The following FHIT variants were observed in gnomAD, a reference collection of about 807,000 sequenced individuals.
FHIT encodes the protein bis(5'-adenosyl)-triphosphatase.
Under a neutral mutation model 17.9 loss-of-function variants are expected in FHIT, and 19 were observed. The ratio of observed to expected loss-of-function variants is 1.06; its 90% CI spans 0.74 to 1.56. FHIT has a LOEUF of 1.56. Ranked by LOEUF, FHIT falls within the 40% of genes most tolerant of loss-of-function variation. The probability of loss-of-function intolerance (pLI) is 0.00; values close to 1 mark genes in which losing one functional copy is unlikely to be tolerated. For missense variants in FHIT, 248 were observed against 189.2 expected (o/e 1.31, Z -1.82); for synonymous variants, 81 against 69.7 (o/e 1.16, Z -0.81).
intron 7 of FHIT, among the ~76,000 whole-genome samples, chr3:60,006,835 A>G (rs1439099052): frequency 6.6e-6 from 1 of 152,106 alleles, no homozygotes; most frequent in Non-Finnish European, 1.5e-5. Flanking sequence ...AAGATTACCA[A>G]ATTTTCAGGT....
At position 60,889,163 on chromosome 3, in the gene FHIT, A is replaced by AT. The variant is rs1200131027; in HGVS notation, c.-110-67153dup. Among the ~76,000 whole-genome samples the AT allele has an allele frequency of 2.5e-4, 38 of 151,506 alleles. No homozygotes were observed. The South Asian group carries it at 6.9e-3, about 28-fold the overall frequency. The stretch of plus-strand genomic sequence containing the variant: ...GACTCATTCTCCACGCTGCATAACC[A>AT]TTTTTTTTCCCTCCAAAGCACTCAC... On this transcript the variant is annotated intron_variant, in intron 3 of 9. Coordinates refer to ENST00000492590, the MANE Select transcript of FHIT (RefSeq NM_002012.4).
At chr3:60,051,385 G>A (rs370628205) in intron 5 of FHIT, among the ~76,000 whole-genome samples, 6 of 139,890 alleles carry the variant, frequency 4.3e-5, no homozygotes, top group Non-Finnish European at 9.1e-5. Context: ...GCTGCCAACT[G>A]ATCAGACCAT....
intron 5 of FHIT, among the ~76,000 whole-genome samples, chr3:60,506,353 G>A (rs1164465519): frequency 6.6e-6 from 1 of 152,094 alleles, no homozygotes; most frequent in Admixed American, 6.5e-5. Flanking sequence ...CTGAACACTG[G>A]TGCCTTTGGA....
intron 5 of FHIT, among the ~76,000 whole-genome samples, chr3:60,158,121 A>T (rs1700782600): frequency 1.3e-5 from 2 of 152,178 alleles, no homozygotes; most frequent in South Asian, 2.1e-4. Flanking sequence ...AAAAGAAGAA[A>T]AAAGCAAACC....
At chr3:61,088,033 T>C (rs2035358975) in intron 2 of FHIT, among the ~76,000 whole-genome samples, 1 of 152,122 alleles carries the variant, frequency 6.6e-6, no homozygotes, top group Non-Finnish European at 1.5e-5. Flanking sequence ...ATACCATTAA[T>C]AACTACTTTT....
Position 60,542,791 on chromosome 3 carries a change from G to A in FHIT, c.-17-5812C>T, listed in dbSNP as rs2036227581. ...TCCATCAATTTTCTTTTTATAGTTT[G>A]TGCTCTGCAAATCTCTCCGAACAAA... On this transcript the variant is annotated intron_variant, in intron 4 of 9. Coordinates refer to ENST00000492590, the MANE Select transcript of FHIT (RefSeq NM_002012.4). 2.0e-5 allele frequency among the ~76,000 whole-genome samples: 3 copies of A among 151,898 alleles called. No homozygotes were observed. The South Asian group carries it at 6.3e-4, about 32-fold the overall frequency.
chr3:60,914,302 CA>C (rs1706892600), intron 3 of FHIT, among the ~76,000 whole-genome samples: 2 of 151,992 alleles, frequency 1.3e-5, no homozygotes, highest in Non-Finnish European at 2.9e-5. Flanking sequence ...ATTTTAATAA[CA>C]ATAAAATACT....
intron 3 of FHIT, among the ~76,000 whole-genome samples, chr3:60,867,076 C>A (rs1477350123): frequency 6.6e-6 from 1 of 152,074 alleles, no homozygotes; most frequent in Non-Finnish European, 1.5e-5. Context: ...TTTTAATGAC[C>A]AGAGGAAGGT....
At chr3:61,214,953 A>G (rs2039623177) in intron 1 of FHIT, among the ~76,000 whole-genome samples, 1 of 151,916 alleles carries the variant, frequency 6.6e-6, no homozygotes, top group African/African-American at 2.4e-5. Context: ...GACAAAATTC[A>G]ACAACTCTTC....
At chr3:60,223,466 G>C (rs1480289393) in intron 5 of FHIT, among the ~76,000 whole-genome samples, 1 of 152,100 alleles carries the variant, frequency 6.6e-6, no homozygotes, top group African/African-American at 2.4e-5. Flanking sequence ...TCTTTCCTAA[G>C]GTGGTAATCC....
chr3:60,155,610 G>T (rs143075051), intron 5 of FHIT, among the ~76,000 whole-genome samples: 2 of 152,152 alleles, frequency 1.3e-5, no homozygotes, highest in Admixed American at 6.5e-5. Flanking sequence ...CAGAAGCAAG[G>T]CTGGGCCATC....
chr3:61,046,927 C>G (rs577945134), intron 2 of FHIT, among the ~76,000 whole-genome samples: 1 of 152,062 alleles, frequency 6.6e-6, no homozygotes, highest in Non-Finnish European at 1.5e-5. Context: ...AAAAAGCCTT[C>G]GAAAAAATTT....
chr3:59,830,905 C>G (rs1304827643), intron 8 of FHIT, among the ~76,000 whole-genome samples: 1 of 152,168 alleles, frequency 6.6e-6, no homozygotes, highest in South Asian at 2.1e-4. Context: ...GCTCTTCGAA[C>G]AGTATGACTG....
At chr3:61,217,912 C>A (rs1576245248) in intron 1 of FHIT, among the ~76,000 whole-genome samples, 1 of 152,074 alleles carries the variant, frequency 6.6e-6, no homozygotes, top group East Asian at 1.9e-4. Flanking sequence ...GACAGTTTCC[C>A]TTTGTGAATT....
At chr3:60,300,484 T>G (rs1034611003) in intron 5 of FHIT, among the ~76,000 whole-genome samples, 2 of 152,144 alleles carry the variant, frequency 1.3e-5, no homozygotes, top group African/African-American at 4.8e-5. Context: ...AAATATCACT[T>G]AAATATTCAG....
intron 8 of FHIT, among the ~76,000 whole-genome samples, chr3:59,763,315 G>C (rs555695161): frequency 3.6e-4 from 55 of 152,264 alleles, no homozygotes; most frequent in African/African-American, 1.3e-3. Flanking sequence ...AAGATGCTAC[G>C]CAAACACACA....
chr3:60,934,980 C>T (rs1708127048), intron 3 of FHIT, among the ~76,000 whole-genome samples: 1 of 152,162 alleles, frequency 6.6e-6, no homozygotes. Context: ...CTTCAAGATC[C>T]AGCACAAGGC....
At chr3:60,203,955 G>T (rs1703036467) in intron 5 of FHIT, among the ~76,000 whole-genome samples, 2 of 152,152 alleles carry the variant, frequency 1.3e-5, no homozygotes, top group South Asian at 2.1e-4. Flanking sequence ...GGGTCATGGG[G>T]AGGGGGGTGA....
intron 5 of FHIT, among the ~76,000 whole-genome samples, chr3:60,117,572 G>A (rs1576136552): frequency 1.3e-5 from 2 of 150,572 alleles, no homozygotes; most frequent in Middle Eastern, 6.9e-3. Context: ...AAGAATTTAG[G>A]AGCTTGCTAT....
Sources: gnomAD v4.1 joint callset for allele counts (sites outside exome capture counted in the v4.1 genomes callset) on GRCh38, gnomAD v4.1.1 for gene constraint, MANE v1.5 for transcripts, NCBI Gene and HGNC (gene_info 2026-07-23, HGNC 2026-07-21) for gene names.